Variants in ATP6V0A4 observed in about 807,000 individuals in gnomAD.
The protein encoded by ATP6V0A4 is ATPase H+ transporting V0 subunit a4, also known as V-type proton ATPase 116 kDa subunit a 4.
A neutral mutation model predicts 107.3 loss-of-function variants in ATP6V0A4; 86 were observed. The ratio of observed to expected loss-of-function variants is 0.80; its 90% CI spans 0.67 to 0.96. ATP6V0A4 has a LOEUF of 0.96. Ranked by LOEUF, ATP6V0A4 falls within the 40% of genes least tolerant of loss-of-function variation. ATP6V0A4 has a pLI of 0.00. For missense variants in ATP6V0A4, 908 were observed against 1,045.6 expected, an observed-to-expected ratio of 0.87 and a Z score of 1.81; for synonymous variants, 353 against 381.4, an observed-to-expected ratio of 0.93 and a Z score of 0.87.
intron 9 of ATP6V0A4, 135 bp downstream of exon 9, chr7:138,756,323 G>T: frequency 1.4e-6 from 2 of 1,453,422 alleles, no homozygotes; most frequent in Non-Finnish European, 1.9e-6. Context: ...AGTTGGGGCT[G>T]ACTTTTATGT....
At chr7:138,790,311 T>A (rs76067240) in intron 1 of ATP6V0A4, among the ~76,000 whole-genome samples, 1 of 152,232 alleles carries the variant, frequency 6.6e-6, no homozygotes, top group Non-Finnish European at 1.5e-5. Context: ...GTTGTTTTTT[T>A]GAGATAGAGT....
In ATP6V0A4 at chr7:138,709,688, T is replaced by C; in HGVS notation, c.2365A>G (p.Thr789Ala). The change falls in exon 21 of 22, where the codon ACA becomes GCA. Residue 789 changes from threonine (T) to alanine (A), a missense_variant. Thr to Ala is a moderately conservative substitution (Grantham distance 58). Coordinates refer to ENST00000310018, the MANE Select transcript of ATP6V0A4 (RefSeq NM_020632.3). ...FIIFAVFAVL[T>A]VAILLIMEGL... The stretch of plus-strand genomic sequence containing the variant: ...TCCATGATCAGAAGGATGGCTACTG[T>C]CAGGACAGCAAATACGGCAAAAATA... 2.5e-6 allele frequency: 4 copies of C among 1,613,568 alleles called. No homozygotes were observed. Among genetic ancestry groups the C allele is most frequent in the South Asian group, 1.1e-5 (1 of 91,066 alleles).
At chr7:138,774,353 C>T (rs1018194382) in intron 2 of ATP6V0A4, among the ~76,000 whole-genome samples, 4 of 151,930 alleles carry the variant, frequency 2.6e-5, no homozygotes, top group Non-Finnish European at 5.9e-5. Flanking sequence ...CTGAGGTGGG[C>T]GGATCATTTG....
In ATP6V0A4 at chr7:138,737,216, C is replaced by T. The variant is rs140428137; in HGVS notation, c.1572+2324G>A. 4.3e-3 allele frequency among the ~76,000 whole-genome samples: 650 copies of T among 149,822 alleles called. 7 individuals carry two copies. The highest frequency in any genetic ancestry group is 0.015 in the African/African-American group (627 of 40,594). Reference sequence around the variant, plus strand: ...TTGAATTGTATTCCCATAATTTCCACGTGCTGTGGGAGGAAGCTGGTGGGA... The same window carrying T: ...TTGAATTGTATTCCCATAATTTCCATGTGCTGTGGGAGGAAGCTGGTGGGA... On this transcript the variant is annotated intron_variant, in intron 15 of 21. Coordinates refer to ENST00000310018, the MANE Select transcript of ATP6V0A4 (RefSeq NM_020632.3).
At chr7:138,754,492 T>C (rs1584928386) in intron 10 of ATP6V0A4, among the ~76,000 whole-genome samples, 1 of 150,328 alleles carries the variant, frequency 6.7e-6, no homozygotes. Flanking sequence ...TCTGGAAAAG[T>C]AAAGTTGTCT....
In ATP6V0A4 at chr7:138,713,008, C is replaced by T. The variant is rs1392516353; in HGVS notation, c.2257+2756G>A. Reference sequence around the variant, plus strand: ...AGCAGTGCACAGGAGTAAAGACATGCGGCCGGGCGCGGTGGCTCACGCCTG... The same window carrying T: ...AGCAGTGCACAGGAGTAAAGACATGTGGCCGGGCGCGGTGGCTCACGCCTG... On this transcript the variant is annotated intron_variant, in intron 20 of 21. Coordinates refer to ENST00000310018, the MANE Select transcript of ATP6V0A4 (RefSeq NM_020632.3). Among the ~76,000 whole-genome samples the T allele has an allele frequency of 3.3e-5, 5 of 152,044 alleles. No homozygotes were observed. The East Asian group carries it at 9.7e-4, about 29-fold the overall frequency.
At chr7:138,739,391 C>G in intron 15 of ATP6V0A4, 149 bp downstream of exon 15, 1 of 973,086 alleles carries the variant, frequency 1.0e-6, no homozygotes, top group Non-Finnish European at 1.5e-6. Context: ...GACTCTGGCT[C>G]TATGTGTCAC....
intron 10 of ATP6V0A4, among the ~76,000 whole-genome samples, chr7:138,755,328 T>A (rs79896162): frequency 0.01 from 1,549 of 152,290 alleles, 27 homozygotes; most frequent in African/African-American, 0.035. Flanking sequence ...AGTGGGAAAA[T>A]AATCAGTCAA....
At chr7:138,734,078 A>G (rs576600988) in intron 16 of ATP6V0A4, 58 bp downstream of exon 16, 4 of 1,541,748 alleles carry the variant, frequency 2.6e-6, no homozygotes, top group South Asian at 1.1e-5. Flanking sequence ...TGGCTCTGTC[A>G]CCATTCATCA....
At chr7:138,720,214 C>T (rs1159309332) in intron 19 of ATP6V0A4, among the ~76,000 whole-genome samples, 1 of 152,082 alleles carries the variant, frequency 6.6e-6, no homozygotes, top group Non-Finnish European at 1.5e-5. Context: ...GGACTGCACC[C>T]TTAACCTTGA....
At chr7:138,738,125 A>G (rs1276371821) in intron 15 of ATP6V0A4, among the ~76,000 whole-genome samples, 1 of 152,178 alleles carries the variant, frequency 6.6e-6, no homozygotes, top group Non-Finnish European at 1.5e-5. Context: ...ATATATATGT[A>G]TTATTTTAGG....
At position 138,755,720 on chromosome 7, in the gene ATP6V0A4, C is replaced by T; in HGVS notation, c.785G>A (p.Ser262Asn). Reference sequence around the variant, plus strand: ...TAAATCTTCCAGCCTCACATTGACGCTCTCCAACATCTCTCTGCGCTCCAC... The same window carrying T: ...TAAATCTTCCAGCCTCACATTGACGTTCTCCAACATCTCTCTGCGCTCCAC... ...PAVERREMLESVNVRLEDLIT... is the reference protein window; with the variant it reads ...PAVERREMLENVNVRLEDLIT... Residue 262 changes from serine (S) to asparagine (N), a missense_variant, in exon 10 of 22, where the codon AGC becomes AAC. Ser to Asn is a conservative substitution (Grantham distance 46). Coordinates refer to ENST00000310018, the MANE Select transcript of ATP6V0A4 (RefSeq NM_020632.3). The T allele has an allele frequency of 1.9e-6, 3 of 1,613,964 alleles. No individual in the cohort carries two copies. The highest frequency in any genetic ancestry group is 1.6e-4 in the Middle Eastern group (1 of 6,062).
chr7:138,739,572 A>C lies in ATP6V0A4; in HGVS notation c.1540T>G (p.Phe514Val), dbSNP rs1247923100. The C allele has an allele frequency of 1.2e-6, 2 of 1,614,228 alleles. No homozygotes were observed. Among genetic ancestry groups the C allele is most frequent in the South Asian group, 2.2e-5 (2 of 91,086 alleles). The change falls in exon 15 of 22, where the codon TTT (phenylalanine) becomes GTT (valine). Residue 514 changes from phenylalanine (F) to valine (V), a missense_variant. Physicochemically the swap from Phe to Val is conservative, Grantham distance 50 (BLOSUM62 -1). Transcript: ENST00000310018. The stretch of plus-strand genomic sequence containing the variant: ...ATCCCAAACGGGTATGGATTTCCAA[A>C]ATACACTCCTGGTATGGCTGGGTCC... ...QLDPAIPGVY[F>V]GNPYPFGIDP...
intron 7 of ATP6V0A4, 146 bp from the exon 8 acceptor site, chr7:138,760,024 G>A: frequency 7.0e-7 from 1 of 1,435,514 alleles, no homozygotes; most frequent in Non-Finnish European, 9.5e-7. Context: ...CTACCGACAT[G>A]AGTCCCAAGG....
chr7:138,724,504 C>G (rs1804609946), intron 18 of ATP6V0A4, among the ~76,000 whole-genome samples: 2 of 152,204 alleles, frequency 1.3e-5, no homozygotes, highest in African/African-American at 4.8e-5. Context: ...CCTCAGGAGA[C>G]TGAGGAACAA....
At chr7:138,717,502 G>A (rs568137850) in intron 19 of ATP6V0A4, among the ~76,000 whole-genome samples, 2 of 151,778 alleles carry the variant, frequency 1.3e-5, no homozygotes, top group African/African-American at 2.4e-5. Flanking sequence ...CCGAGATCTC[G>A]CCACTGCACT....
intron 1 of ATP6V0A4, among the ~76,000 whole-genome samples, chr7:138,789,232 G>T (rs552160598): frequency 5.0e-3 from 514 of 103,136 alleles, no homozygotes; most frequent in African/African-American, 0.012. Flanking sequence ...GTTTTTTTTT[G>T]TTGTTGTTGT....
In ATP6V0A4 at chr7:138,771,271, GAGAAAA is replaced by G; in HGVS notation, c.-17-13_-17-8del. 1.2e-6 allele frequency: 2 copies of G among 1,611,488 alleles called. No individual in the cohort carries two copies. Among genetic ancestry groups the G allele is most frequent in the Non-Finnish European group, 8.5e-7 (1 of 1,178,184 alleles). ...ATCTTGGCCCAGCCTCGGTCTACAG[GAGAAAA>G]AGAAAAAGATATTAATATTTAAGGT... On this transcript the variant is annotated splice_region_variant and splice_polypyrimidine_tract_variant and intron_variant, in intron 2 of 21. Coordinates refer to ENST00000310018, the MANE Select transcript of ATP6V0A4 (RefSeq NM_020632.3).
At chr7:138,783,417 AT>A (rs1028005154) in intron 2 of ATP6V0A4, among the ~76,000 whole-genome samples, 1 of 151,990 alleles carries the variant, frequency 6.6e-6, no homozygotes, top group African/African-American at 2.4e-5. Flanking sequence ...TTTAAAAAAA[AT>A]TTTTTTAATT....
Sources: allele counts gnomAD v4.1 joint callset (sites outside exome capture counted in the v4.1 genomes callset), GRCh38; gene constraint gnomAD v4.1.1; transcripts MANE v1.5; gene names NCBI Gene and HGNC (gene_info 2026-07-23, HGNC 2026-07-21).